CDK14: variants seen among roughly 807,000 people sequenced by gnomAD.
CDK14 encodes the protein cyclin-dependent kinase 14.
CDK14 carries 34 observed loss-of-function variants against 60.7 expected under a neutral mutation model. The observed-to-expected ratio is 0.56, with a 90% CI of 0.43 to 0.75. CDK14 has a LOEUF of 0.75. Among genes scored for constraint, CDK14 ranks in the 30% least tolerant of loss-of-function variants. CDK14 has a pLI of 0.00. For synonymous variants in CDK14, 197 were observed against 203.7 expected (o/e 0.97, Z 0.28); for missense variants, 482 against 564.1 (o/e 0.85, Z 1.47).
chr7:91,127,825 T>TTTATAAAAAG (rs1244270387), intron 14 of CDK14, among the ~76,000 whole-genome samples: 1 of 152,150 alleles, frequency 6.6e-6, no homozygotes, highest in African/African-American at 2.4e-5. Flanking sequence ...TAATCTGCAG[T>TTTATAAAAAG]TTATAAAAAG....
At chr7:91,096,970 C>T (rs1799009633) in intron 12 of CDK14, among the ~76,000 whole-genome samples, 1 of 152,196 alleles carries the variant, frequency 6.6e-6, no homozygotes, top group South Asian at 2.1e-4. Context: ...CAACAGGATA[C>T]AGCATTTATG....
intron 3 of CDK14, among the ~76,000 whole-genome samples, chr7:90,732,345 C>T (rs1802902172): frequency 6.6e-6 from 1 of 152,160 alleles, no homozygotes; most frequent in African/African-American, 2.4e-5. Flanking sequence ...CAGGATGATG[C>T]TGGCATCATA....
intron 2 of CDK14, among the ~76,000 whole-genome samples, chr7:90,674,132 T>C (rs1801152213): frequency 6.6e-6 from 1 of 152,204 alleles, no homozygotes; most frequent in Admixed American, 6.5e-5. Context: ...GCACAGAAAT[T>C]CTGAATGAGT....
chr7:91,108,468 TGC>T (rs1799374474), intron 12 of CDK14, among the ~76,000 whole-genome samples: 1 of 152,206 alleles, frequency 6.6e-6, no homozygotes, highest in Admixed American at 6.5e-5. Flanking sequence ...AGATATTGGG[TGC>T]CAAAATACCC....
chr7:91,067,115 A>G (rs1307779409), intron 11 of CDK14, among the ~76,000 whole-genome samples: 1 of 152,242 alleles, frequency 6.6e-6, no homozygotes, highest in Non-Finnish European at 1.5e-5. Flanking sequence ...TGATAAAATT[A>G]TTCATAGGCA....
intron 11 of CDK14, among the ~76,000 whole-genome samples, chr7:91,067,482 A>G (rs1178487466): frequency 6.6e-6 from 1 of 152,198 alleles, no homozygotes; most frequent in South Asian, 2.1e-4. Context: ...CTCTAGCTGT[A>G]GTCTCTAGTG....
chr7:91,074,185 A>G (rs990327150), intron 11 of CDK14, among the ~76,000 whole-genome samples: 2 of 152,234 alleles, frequency 1.3e-5, no homozygotes, highest in South Asian at 4.1e-4. Context: ...CCCCAAATCC[A>G]CAGAATATAC....
At chr7:90,914,959 A>G (rs1793026557) in intron 7 of CDK14, among the ~76,000 whole-genome samples, 1 of 152,192 alleles carries the variant, frequency 6.6e-6, no homozygotes, top group African/African-American at 2.4e-5. Context: ...TTAGATAAGT[A>G]TCATACTGTG....
At chr7:90,921,671 C>T (rs1793257586) in intron 8 of CDK14, among the ~76,000 whole-genome samples, 2 of 151,754 alleles carry the variant, frequency 1.3e-5, no homozygotes, top group Non-Finnish European at 2.9e-5. Flanking sequence ...AAAGTTGCCC[C>T]GAGAATGAGA....
intron 3 of CDK14, among the ~76,000 whole-genome samples, chr7:90,735,598 A>G (rs1462634846): frequency 3.3e-5 from 5 of 152,108 alleles, no homozygotes; most frequent in African/African-American, 1.2e-4. Context: ...GCCCATTTCA[A>G]CCTTCCCGAT....
chr7:91,103,389 C>T (rs899271559), intron 12 of CDK14, among the ~76,000 whole-genome samples: 2 of 152,172 alleles, frequency 1.3e-5, no homozygotes, highest in Non-Finnish European at 2.9e-5. Flanking sequence ...TGATGGTACT[C>T]TCTAGTCTGG....
intron 12 of CDK14, among the ~76,000 whole-genome samples, chr7:91,093,025 A>G (rs547441616): frequency 1.3e-5 from 2 of 152,316 alleles, no homozygotes; most frequent in South Asian, 2.1e-4. Context: ...CAAAAATGAC[A>G]AACAAAAATT....
chr7:90,625,897 G>A (rs1799865591), intron 2 of CDK14, among the ~76,000 whole-genome samples: 1 of 152,180 alleles, frequency 6.6e-6, no homozygotes, highest in Non-Finnish European at 1.5e-5. Flanking sequence ...TTCCATTATT[G>A]GAGATGTTTT....
At chr7:90,670,879 C>T (rs1039518671) in intron 2 of CDK14, among the ~76,000 whole-genome samples, 4 of 152,152 alleles carry the variant, frequency 2.6e-5, no homozygotes, top group African/African-American at 9.7e-5. Context: ...ATATCCTTCT[C>T]ACATCTCAAA....
chr7:90,646,554 T>C (rs1171758935), intron 2 of CDK14, among the ~76,000 whole-genome samples: 2 of 152,184 alleles, frequency 1.3e-5, no homozygotes, highest in East Asian at 3.8e-4. Context: ...GTTTTCCTCA[T>C]GCTCCCAAGT....
At chr7:90,779,178 A>G (rs36024015) in intron 4 of CDK14, among the ~76,000 whole-genome samples, 31,063 of 151,854 alleles carry the variant, frequency 0.2, 3,280 homozygotes, top group South Asian at 0.24. Flanking sequence ...GCTTGAACCC[A>G]GGAGGCAGAG....
intron 4 of CDK14, among the ~76,000 whole-genome samples, chr7:90,763,774 C>T (rs1195643386): frequency 1.3e-5 from 2 of 152,028 alleles, no homozygotes; most frequent in Non-Finnish European, 2.9e-5. Flanking sequence ...TGTAACAAAC[C>T]TGCATGTTGT....
At chr7:90,884,404 A>G (rs965002471) in intron 6 of CDK14, among the ~76,000 whole-genome samples, 2 of 152,310 alleles carry the variant, frequency 1.3e-5, no homozygotes, top group East Asian at 1.9e-4. Context: ...TTCAAGGGGA[A>G]CTACAAACCA....
At chr7:90,644,633 CTG>C (rs765414209) in intron 2 of CDK14, among the ~76,000 whole-genome samples, 10 of 152,202 alleles carry the variant, frequency 6.6e-5, no homozygotes, top group Non-Finnish European at 1.3e-4. Context: ...ATTCAAGACT[CTG>C]TGAAATCCTA....
Sources: allele counts gnomAD v4.1 joint callset (sites outside exome capture counted in the v4.1 genomes callset), GRCh38; gene constraint gnomAD v4.1.1; transcripts MANE v1.5; gene names NCBI Gene and HGNC (gene_info 2026-07-23, HGNC 2026-07-21).